The following EHMT1 variants were observed in gnomAD, a reference collection of about 807,000 sequenced individuals.
EHMT1 encodes the protein histone-lysine N-methyltransferase EHMT1.
Under a neutral mutation model 147.2 loss-of-function variants are expected in EHMT1, and 15 were observed. The ratio of observed to expected loss-of-function variants is 0.10; its 90% CI spans 0.07 to 0.16. The LOEUF is 0.16. Among genes scored for constraint, EHMT1 ranks in the 10% least tolerant of loss-of-function variants. The pLI is 1.00. For synonymous variants in EHMT1, 795 were observed against 709.6 expected (o/e 1.12, Z -1.91); for missense variants, 1,587 against 1,772.4 (o/e 0.90, Z 1.88).
At chr9:137,769,754 G>A (rs1950473398) in intron 10 of EHMT1, among the ~76,000 whole-genome samples, 1 of 152,152 alleles carries the variant, frequency 6.6e-6, no homozygotes, top group Admixed American at 6.6e-5. Flanking sequence ...AGGTTTCGCT[G>A]AGCTTCTTGG....
At chr9:137,718,182 G>C (rs377760003) in intron 3 of EHMT1, among the ~76,000 whole-genome samples, 1 of 150,998 alleles carries the variant, frequency 6.6e-6, no homozygotes, top group Non-Finnish European at 1.5e-5. Flanking sequence ...CACAGGGCGC[G>C]CCCGCCCCTC....
intron 4 of EHMT1, among the ~76,000 whole-genome samples, chr9:137,733,713 G>A (rs1010240420): frequency 2.6e-5 from 4 of 152,070 alleles, no homozygotes; most frequent in Admixed American, 6.5e-5. Flanking sequence ...TCCATGTGAC[G>A]GCCAAGAAAT....
intron 23 of EHMT1, 193 bp downstream of exon 23, chr9:137,816,255 C>A: frequency 1.5e-6 from 1 of 648,310 alleles, no homozygotes; most frequent in Non-Finnish European, 2.8e-6. Flanking sequence ...ACGAGTCATG[C>A]TTCCCCCAGC....
chr9:137,694,909 G>A (rs369959181), intron 1 of EHMT1, among the ~76,000 whole-genome samples: 1 of 152,216 alleles, frequency 6.6e-6, no homozygotes, highest in African/African-American at 2.4e-5. Context: ...ATAAACTAGA[G>A]CATCAGCATA....
At chr9:137,742,562 A>C (rs1465101018) in intron 4 of EHMT1, among the ~76,000 whole-genome samples, 1 of 152,114 alleles carries the variant, frequency 6.6e-6, no homozygotes. Flanking sequence ...AAAAAAAGTC[A>C]TGGAGTCTGA....
At chr9:137,768,610 C>T (rs1338360044) in intron 10 of EHMT1, among the ~76,000 whole-genome samples, 45 of 116,342 alleles carry the variant, frequency 3.9e-4, no homozygotes, top group African/African-American at 1.2e-3. Context: ...AGTGCAGTGG[C>T]GGGATCTCGG....
At chr9:137,622,952 T>C (rs538549334) in intron 1 of EHMT1, among the ~76,000 whole-genome samples, 13 of 149,560 alleles carry the variant, frequency 8.7e-5, no homozygotes, top group South Asian at 2.1e-4. Flanking sequence ...GTCTCACACC[T>C]GTAATCCCAG....
At chr9:137,697,574 G>T (rs1395696359) in intron 1 of EHMT1, among the ~76,000 whole-genome samples, 1 of 152,146 alleles carries the variant, frequency 6.6e-6, no homozygotes. Context: ...GACACTTTTT[G>T]TGGTTAAAAT....
chr9:137,732,181 A>G lies in EHMT1; in HGVS notation c.823+3652A>G, dbSNP rs1947170043. Among the ~76,000 whole-genome samples, 1 of 152,194 alleles carries G rather than the reference A, an allele frequency of 6.6e-6. No individual in the cohort carries two copies. The highest frequency in any genetic ancestry group is 2.4e-5 in the African/African-American group (1 of 41,462). On this transcript the variant is annotated intron_variant, in intron 4 of 26. Coordinates refer to ENST00000460843, the MANE Select transcript of EHMT1 (RefSeq NM_024757.5). The surrounding 1 kb of genome is among the most constrained non-coding windows in gnomAD (Gnocchi z 4.6). ...ACGGGGCAGCCGCCGACACCAGCGG[A>G]GGGCAGGAGGGCTACAGTGTTACAG... is the stretch of plus-strand genomic sequence containing the variant.
chr9:137,636,999 G>A (rs550401742), intron 1 of EHMT1, among the ~76,000 whole-genome samples: 2 of 149,666 alleles, frequency 1.3e-5, no homozygotes, highest in Admixed American at 6.8e-5. Flanking sequence ...CTGGGTTCAC[G>A]CCATTCTCCC....
chr9:137,812,060 G>A (rs1235399739), intron 19 of EHMT1, among the ~76,000 whole-genome samples: 1 of 152,164 alleles, frequency 6.6e-6, no homozygotes, highest in Non-Finnish European at 1.5e-5. Context: ...ACCTTCAGCT[G>A]GGTGGTGGTG....
chr9:137,656,578 C>T (rs1235039301), intron 1 of EHMT1, among the ~76,000 whole-genome samples: 3 of 152,256 alleles, frequency 2.0e-5, no homozygotes, highest in Admixed American at 2.0e-4. Context: ...TTCTTGACTG[C>T]CTTGTGCCCA....
intron 1 of EHMT1, among the ~76,000 whole-genome samples, chr9:137,701,562 A>C (rs1258796702): frequency 2.8e-5 from 4 of 145,270 alleles, no homozygotes; most frequent in African/African-American, 1.0e-4. Context: ...GGGTTTGAGC[A>C]ATTCTCCTGC....
chr9:137,624,873 A>T (rs1472053716), intron 1 of EHMT1, among the ~76,000 whole-genome samples: 1 of 148,622 alleles, frequency 6.7e-6, no homozygotes, highest in Non-Finnish European at 1.5e-5. Flanking sequence ...AGCCTGGCCC[A>T]GTTTCATTCT....
chr9:137,788,931 G>C (rs1564764370), intron 15 of EHMT1: 2 of 152,574 alleles, frequency 1.3e-5, no homozygotes, highest in East Asian at 3.9e-4. Flanking sequence ...TGGATGGGGG[G>C]CGCGACCTGT....
intron 18 of EHMT1, among the ~76,000 whole-genome samples, chr9:137,810,288 C>CCGCCCCTCGTGGACTGTGG (rs1954353086): frequency 6.7e-6 from 1 of 148,574 alleles, no homozygotes; most frequent in African/African-American, 2.6e-5. Context: ...TGCCGCCCTG[C>CCGCCCCTCGTGGACTGTGG]GTGAAAGGCG....
At chr9:137,781,578 C>G (rs930403355) in intron 14 of EHMT1, among the ~76,000 whole-genome samples, 8 of 152,172 alleles carry the variant, frequency 5.3e-5, no homozygotes, top group African/African-American at 1.9e-4. Context: ...TATTTTATAA[C>G]AGGCAAACCG....
rs113862355 is a variant in EHMT1 at position 137,684,418 on chromosome 9, G to A, written c.22-26549G>A. ...GATGTTTTTCTTGAGCCGTTTGAAA[G>A]TTGCCTAGATGCCCCTTCATTCCTA... On this transcript the variant is annotated intron_variant, in intron 1 of 26. Transcript: ENST00000460843. Among the ~76,000 whole-genome samples the A allele has an allele frequency of 6.8e-3, 1,035 of 152,246 alleles. 11 individuals carry two copies. The highest frequency in any genetic ancestry group is 8.7e-3 in the Non-Finnish European group (594 of 68,028).
chr9:137,652,973 T>C (rs1268713997), intron 1 of EHMT1, among the ~76,000 whole-genome samples: 6 of 151,600 alleles, frequency 4.0e-5, no homozygotes, highest in Non-Finnish European at 8.8e-5. Context: ...GGTGATCCAT[T>C]CGCCTTGGCC....
Sources: allele counts gnomAD v4.1 joint callset (sites outside exome capture counted in the v4.1 genomes callset), GRCh38; gene constraint gnomAD v4.1.1; non-coding constraint Gnocchi (gnomAD v3.1); transcripts MANE v1.5; gene names NCBI Gene and HGNC (gene_info 2026-07-23, HGNC 2026-07-21).